The following SACM1L variants were observed in gnomAD, a reference collection of about 807,000 sequenced individuals.
SACM1L encodes the protein phosphatidylinositol-3-phosphatase SAC1.
Under a neutral mutation model 89.5 loss-of-function variants are expected in SACM1L, and 32 were observed. That is an observed-to-expected ratio of 0.36 (90% confidence interval 0.27 to 0.48). The LOEUF is 0.48. SACM1L is among the 20% of genes least tolerant of loss of function. The pLI is 0.99. For missense variants in SACM1L, 543 were observed against 708.5 expected, an observed-to-expected ratio of 0.77 and a Z score of 2.65; for synonymous variants, 213 against 232.8, an observed-to-expected ratio of 0.92 and a Z score of 0.77.
At chr3:45,740,188 A>C (rs1324726615) in intron 19 of SACM1L, among the ~76,000 whole-genome samples, 1 of 152,212 alleles carries the variant, frequency 6.6e-6, no homozygotes, top group Non-Finnish European at 1.5e-5. Context: ...TCAATTATGC[A>C]TTCATCTCCT....
rs376538631 is a variant in SACM1L, at chr3:45,707,097, T to G, written c.333+190T>G. 1.3e-5 allele frequency: 6 copies of G among 467,156 alleles called. No individual in the cohort carries two copies. In the East Asian group the frequency reaches 1.6e-4, roughly 12 times the overall value. 28.9% of individuals were successfully genotyped at this position (467,156 alleles called of 1,614,324 possible). The stretch of plus-strand genomic sequence containing the variant: ...TTTTAAATCATTTGTTGCTCTTGTT[T>G]TTTTTTTTTTAAAGATTCAGTTCTT... On this transcript the variant is annotated intron_variant, in intron 4 of 19. Transcript: ENST00000389061.
intron 11 of SACM1L, among the ~76,000 whole-genome samples, chr3:45,728,195 C>G (rs1431647303): frequency 6.6e-6 from 1 of 152,128 alleles, no homozygotes; most frequent in Non-Finnish European, 1.5e-5. Context: ...TAACATGAAT[C>G]TCTTAGAGAC....
chr3:45,696,622 A>C (rs1197408410), intron 1 of SACM1L, among the ~76,000 whole-genome samples: 1 of 151,902 alleles, frequency 6.6e-6, no homozygotes, highest in East Asian at 1.9e-4. Flanking sequence ...CATCCTAGCC[A>C]ACACTCGTTA....
At chr3:45,704,373 T>C (rs896682342) in intron 2 of SACM1L, among the ~76,000 whole-genome samples, 12 of 152,210 alleles carry the variant, frequency 7.9e-5, no homozygotes, top group African/African-American at 2.2e-4. Flanking sequence ...AGTATGGCTA[T>C]AAAATTTCTG....
chr3:45,728,913 A>G (rs1209121893), intron 11 of SACM1L, among the ~76,000 whole-genome samples: 1 of 152,074 alleles, frequency 6.6e-6, no homozygotes, highest in Non-Finnish European at 1.5e-5. Context: ...GCCTCAAGCC[A>G]TCCTCTTGCC....
Position 45,714,085 on chromosome 3 carries a change from C to T in SACM1L, c.577+6C>T. ...CCTTCCAGTGTTACATGGCTGTATC[C>T]TTACATGATATTACTCTTTAGTTTC... On this transcript the variant is annotated splice_donor_region_variant and intron_variant, in intron 7 of 19. Transcript: ENST00000389061. 6.5e-7 allele frequency: 1 copy of T among 1,530,356 alleles called. No homozygotes were observed. Among genetic ancestry groups the T allele is most frequent in the Non-Finnish European group, 8.9e-7 (1 of 1,125,096 alleles). The allele number at this position is 1,530,356 out of a possible 1,614,324, so 94.8% of individuals were successfully genotyped here.
At position 45,743,818 on chromosome 3, in the gene SACM1L, A is replaced by G; in HGVS notation, c.*149A>G. On this transcript the variant is annotated 3_prime_UTR_variant, in exon 20 of 20. Coordinates refer to ENST00000389061, the MANE Select transcript of SACM1L (RefSeq NM_014016.5). ...GTGCTCCATGCAGGATGATGACAGA[A>G]TTGATCTGATGTTACTGCCTTGATG... 1 of 695,600 alleles carries G rather than the reference A, an allele frequency of 1.4e-6. No individual in the cohort carries two copies. The highest frequency in any genetic ancestry group is 2.3e-6 in the Non-Finnish European group (1 of 440,492). The allele number at this position is 695,600 out of a possible 1,614,324, so 43.1% of individuals were successfully genotyped here.
chr3:45,697,933 C>T (rs573570478), intron 1 of SACM1L, among the ~76,000 whole-genome samples: 3 of 152,048 alleles, frequency 2.0e-5, no homozygotes, highest in South Asian at 4.1e-4. Context: ...CTTCTTGGAT[C>T]GAATCTTGTC....
At chr3:45,700,468 T>C (rs1698239609) in intron 1 of SACM1L, among the ~76,000 whole-genome samples, 1 of 152,094 alleles carries the variant, frequency 6.6e-6, no homozygotes, top group South Asian at 2.1e-4. Context: ...AGCAGCCAAA[T>C]AGGAGCAGTG....
chr3:45,706,947 A>T, intron 4 of SACM1L, 40 bp downstream of exon 4: 2 of 1,595,308 alleles, frequency 1.3e-6, no homozygotes, highest in South Asian at 2.2e-5. Flanking sequence ...GCGCCCAAAG[A>T]AGTAGCATGG....
At chr3:45,726,656 CTTTTAG>C in intron 11 of SACM1L, among the ~76,000 whole-genome samples, 1 of 151,926 alleles carries the variant, frequency 6.6e-6, no homozygotes, top group East Asian at 1.9e-4. Context: ...CAAAGTTCAA[CTTTTAG>C]TTTTATTGAC....
intron 1 of SACM1L, among the ~76,000 whole-genome samples, chr3:45,699,353 A>G (rs1403863040): frequency 3.3e-5 from 5 of 151,520 alleles, no homozygotes; most frequent in South Asian, 4.1e-4. Context: ...AAAAATGCTC[A>G]TATTAGGCTG....
rs924866054 is a variant in SACM1L at position 45,709,394 on chromosome 3, G to A, written c.334-104G>A. On this transcript the variant is annotated intron_variant, in intron 4 of 19. Coordinates refer to ENST00000389061, the MANE Select transcript of SACM1L (RefSeq NM_014016.5). ...CACTGGCTCAGTCCTTGTGCCAGTA[G>A]TCTTTAATGAGACTGGACTTAACAG... 81 of 1,012,340 alleles carry A rather than the reference G, an allele frequency of 8.0e-5. 1 individual carries two copies. The Middle Eastern group carries it at 1.8e-3, about 22-fold the overall frequency. 62.7% of individuals were successfully genotyped at this position (1,012,340 alleles called of 1,614,324 possible). A position where few individuals can be genotyped will look rare whatever the true frequency, so the allele number is the denominator to read the frequency against.
At chr3:45,731,782 G>A (rs1308242955) in intron 12 of SACM1L, among the ~76,000 whole-genome samples, 1 of 152,154 alleles carries the variant, frequency 6.6e-6, no homozygotes, top group African/African-American at 2.4e-5. Context: ...AGAAGAACCT[G>A]TGAGGATAGA....
rs1697918796 is a variant in SACM1L at position 45,689,631 on chromosome 3, A to AGG, written c.32+135_32+136insGG. 17 of 1,132,788 alleles carry AGG rather than the reference A, an allele frequency of 1.5e-5. No individual in the cohort carries two copies. The South Asian group carries it at 2.3e-4, about 15-fold the overall frequency. The allele number at this position is 1,132,788 out of a possible 1,614,324, so 70.2% of individuals were successfully genotyped here. The stretch of plus-strand genomic sequence containing the variant: ...CTCCTCGCATTTACCGGTTTTCCTC[A>AGG]GCCGGCGCGGCCTCTCCTAGGCCTC... On this transcript the variant is annotated intron_variant, in intron 1 of 19. Transcript: ENST00000389061.
intron 8 of SACM1L, among the ~76,000 whole-genome samples, chr3:45,719,911 A>G (rs977195583): frequency 6.6e-6 from 1 of 152,022 alleles, no homozygotes; most frequent in Non-Finnish European, 1.5e-5. Context: ...CTTAGAAAGT[A>G]TTTTCTTGTA....
Position 45,738,777 on chromosome 3 carries a change from C to A in SACM1L, c.1477-4C>A. On this transcript the variant is annotated splice_polypyrimidine_tract_variant and splice_region_variant and intron_variant, in intron 17 of 19. Transcript: ENST00000389061. ...GTTTACGAATTTCTTCCTTTCTGTTCTAGGATTCCATAGACTTATTTCTTG... is the reference window on the plus strand; with the variant it reads ...GTTTACGAATTTCTTCCTTTCTGTTATAGGATTCCATAGACTTATTTCTTG... 4 of 1,596,244 alleles carry A rather than the reference C, an allele frequency of 2.5e-6. No individual in the cohort carries two copies. The highest frequency in any genetic ancestry group is 3.4e-6 in the Non-Finnish European group (4 of 1,164,290).
intron 1 of SACM1L, among the ~76,000 whole-genome samples, chr3:45,700,016 A>G (rs1486841650): frequency 6.6e-6 from 1 of 152,092 alleles, no homozygotes; most frequent in African/African-American, 2.4e-5. Context: ...TGTCCAAATA[A>G]TTTTCATTTT....
intron 8 of SACM1L, among the ~76,000 whole-genome samples, chr3:45,720,717 G>C (rs547290440): frequency 6.6e-6 from 1 of 152,104 alleles, no homozygotes; most frequent in South Asian, 2.1e-4. Flanking sequence ...AATTACGAAG[G>C]GAAGCAAGGA....
Sources: gnomAD v4.1 joint callset for allele counts (sites outside exome capture counted in the v4.1 genomes callset) on GRCh38, gnomAD v4.1.1 for gene constraint, MANE v1.5 for transcripts, NCBI Gene and HGNC (gene_info 2026-07-23, HGNC 2026-07-21) for gene names.